ADAMTS9: variants seen among roughly 807,000 people sequenced by gnomAD.
ADAMTS9 encodes A disintegrin and metalloproteinase with thrombospondin motifs 9.
In ADAMTS9, 107 loss-of-function variants were observed where a neutral mutation model predicts 257.1. That is an observed-to-expected ratio of 0.42 (90% CI 0.36 to 0.49). The LOEUF (loss-of-function observed/expected upper bound fraction) is 0.49, where lower values mean the gene tolerates loss of function less well. Among genes scored for constraint, ADAMTS9 ranks in the 20% least tolerant of loss-of-function variants. ADAMTS9 has a pLI of 0.03. For synonymous variants in ADAMTS9, 982 were observed against 880.9 expected, an observed-to-expected ratio of 1.11 and a Z score of -2.03; for missense variants, 2,353 against 2,469.1, an observed-to-expected ratio of 0.95 and a Z score of 1.00.
intron 30 of ADAMTS9, among the ~76,000 whole-genome samples, chr3:64,552,755 C>T (rs1320166790): frequency 6.6e-6 from 1 of 152,112 alleles, no homozygotes; most frequent in Non-Finnish European, 1.5e-5. Flanking sequence ...ATGAGTCTCA[C>T]TACGTTGCCC....
chr3:64,564,290 C>A (rs2106661016), intron 29 of ADAMTS9, among the ~76,000 whole-genome samples: 1 of 152,284 alleles, frequency 6.6e-6, no homozygotes, highest in Non-Finnish European at 1.5e-5. Flanking sequence ...AACTCACCAA[C>A]TTAAAAGGGG....
chr3:64,547,795 T>A (rs1337357323), intron 31 of ADAMTS9, among the ~76,000 whole-genome samples: 1 of 152,114 alleles, frequency 6.6e-6, no homozygotes, highest in African/African-American at 2.4e-5. Context: ...ACTCTACCAA[T>A]ACAGAAATGC....
chr3:64,622,244 G>A lies in ADAMTS9; in HGVS notation c.2640C>T (p.Tyr880=), dbSNP rs1213025345. 1.9e-6 allele frequency: 3 copies of A among 1,613,826 alleles called. No homozygotes were observed. The highest frequency in any genetic ancestry group is 2.7e-5 in the African/African-American group (2 of 74,876). ...IPIEDKPQQF[Y]WNSHGPWQAC... ...CTTGCCATGGCCCATGACTGTTCCA[G>A]TAAAACTGCTGAGGTTTATCTTCAA... The change falls in exon 18 of 40, where the codon TAC becomes TAT. Residue 880 remains tyrosine (Y), a synonymous_variant. Coordinates refer to ENST00000498707, the MANE Select transcript of ADAMTS9 (RefSeq NM_182920.2).
intron 39 of ADAMTS9, among the ~76,000 whole-genome samples, chr3:64,517,957 C>A (rs1235514869): frequency 1.3e-5 from 2 of 152,140 alleles, no homozygotes; most frequent in Non-Finnish European, 2.9e-5. Flanking sequence ...GGTACATGAT[C>A]TCAGATCCTT....
intron 16 of ADAMTS9, among the ~76,000 whole-genome samples, chr3:64,626,574 A>T (rs1417247691): frequency 1.3e-5 from 2 of 152,152 alleles, no homozygotes; most frequent in Non-Finnish European, 2.9e-5. Flanking sequence ...GGGTTGAAAA[A>T]CTACCTATTG....
At position 64,613,344 on chromosome 3, in the gene ADAMTS9, C is replaced by T; in HGVS notation, c.3354+1G>A. The stretch of plus-strand genomic sequence containing the variant: ...GTTAAGAATCTTATCGTTCAAAATA[C>T]CTGTCCCCAGGGACCCGCCTGCCAG... On this transcript the variant is annotated splice_donor_variant, in intron 22 of 39. Transcript: ENST00000498707. LOFTEE classifies it high-confidence loss of function. 6.2e-7 allele frequency: 1 copy of T among 1,612,978 alleles called. No homozygotes were observed. Among genetic ancestry groups the T allele is most frequent in the Non-Finnish European group, 8.5e-7 (1 of 1,179,480 alleles).
chr3:64,682,120 T>C (rs1179417026), intron 2 of ADAMTS9, among the ~76,000 whole-genome samples: 1 of 152,166 alleles, frequency 6.6e-6, no homozygotes, highest in Admixed American at 6.5e-5. Context: ...CCTGCAAGGC[T>C]TTGAAGCCAG....
chr3:64,635,125 G>A (rs11719363), intron 12 of ADAMTS9, among the ~76,000 whole-genome samples: 1 of 152,040 alleles, frequency 6.6e-6, no homozygotes, highest in Non-Finnish European at 1.5e-5. Context: ...CAGTTGGCTT[G>A]AGCACCCACT....
In ADAMTS9 at chr3:64,655,481, A is replaced by T. The variant is rs1232410450; in HGVS notation, c.1169+95T>A. ...ATGTCAACAGTGCCTAAGCTGAGAA[A>T]CCCTCCACTAGCAGCTGACTATTAG... On this transcript the variant is annotated intron_variant, in intron 6 of 39. Transcript: ENST00000498707. 5.8e-6 allele frequency: 6 copies of T among 1,036,140 alleles called. No individual in the cohort carries two copies. The East Asian group carries it at 1.4e-4, about 25-fold the overall frequency. The allele number at this position is 1,036,140 out of a possible 1,614,324, so 64.2% of individuals were successfully genotyped here.
intron 28 of ADAMTS9, among the ~76,000 whole-genome samples, chr3:64,590,407 T>C (rs111756485): frequency 4.5e-4 from 68 of 152,340 alleles, no homozygotes; most frequent in Non-Finnish European, 8.8e-4. Context: ...TACAGTCTGC[T>C]GATAAACACT....
intron 30 of ADAMTS9, among the ~76,000 whole-genome samples, chr3:64,555,260 G>A (rs964661186): frequency 1.3e-5 from 2 of 152,162 alleles, no homozygotes; most frequent in Non-Finnish European, 2.9e-5. Context: ...TCATTTTAAA[G>A]TCAGGTATAC....
Position 64,526,254 on chromosome 3 carries a change from A to C in ADAMTS9, c.5719-3994T>G, listed in dbSNP as rs148672237. Among the ~76,000 whole-genome samples the C allele has an allele frequency of 6.3e-3, 956 of 152,006 alleles. 4 individuals carry two copies. Among genetic ancestry groups the C allele is most frequent in the African/African-American group, 0.022 (897 of 41,502 alleles). The stretch of plus-strand genomic sequence containing the variant: ...ACTTACCGTGATTTGATTATTACAC[A>C]TTGTATACACGAATCAAAATATCAC... On this transcript the variant is annotated intron_variant, in intron 38 of 39. Transcript: ENST00000498707.
At chr3:64,563,813 C>T (rs1256470991) in intron 29 of ADAMTS9, among the ~76,000 whole-genome samples, 2 of 152,226 alleles carry the variant, frequency 1.3e-5, no homozygotes, top group Non-Finnish European at 2.9e-5. Flanking sequence ...TACAAGCCTG[C>T]CTTTCTGAAT....
chr3:64,648,866 C>A (rs1700861545), intron 10 of ADAMTS9, among the ~76,000 whole-genome samples: 2 of 152,112 alleles, frequency 1.3e-5, no homozygotes. Context: ...TTTTTCCTAT[C>A]ATGAATAACA....
At chr3:64,565,419 A>G (rs1436343492) in intron 29 of ADAMTS9, 2 of 152,366 alleles carry the variant, frequency 1.3e-5, no homozygotes, top group East Asian at 3.9e-4. Flanking sequence ...AAGAAAGACA[A>G]CAAGGGCTGT....
chr3:64,591,742 T>C (rs1295925143), intron 28 of ADAMTS9, among the ~76,000 whole-genome samples: 1 of 152,176 alleles, frequency 6.6e-6, no homozygotes. Flanking sequence ...ATTTTGACCT[T>C]GGAGAAGGCT....
At chr3:64,590,332 T>C (rs1183283778) in intron 28 of ADAMTS9, among the ~76,000 whole-genome samples, 2 of 152,230 alleles carry the variant, frequency 1.3e-5, no homozygotes, top group Admixed American at 6.5e-5. Flanking sequence ...AAAATTAAAA[T>C]GTATCTTTTT....
chr3:64,516,091 G>T lies in ADAMTS9; in HGVS notation c.*1036C>A, dbSNP rs776036688. 1.3e-5 allele frequency: 2 copies of T among 152,188 alleles called. No homozygotes were observed. Among genetic ancestry groups the T allele is most frequent in the Non-Finnish European group, 2.9e-5 (2 of 68,034 alleles). The allele number at this position is 152,188 out of a possible 1,614,324, so 9.4% of individuals were successfully genotyped here. A position where few individuals can be genotyped will look rare whatever the true frequency, so the allele number is the denominator to read the frequency against. On this transcript the variant is annotated 3_prime_UTR_variant, in exon 40 of 40. Coordinates refer to ENST00000498707, the MANE Select transcript of ADAMTS9 (RefSeq NM_182920.2). ...AAGAGAAGTCACATCACCAGCCGAT[G>T]TTTTCATGCAAAAGGCAATCGTGAT...
chr3:64,652,305 C>A (rs892791434), intron 8 of ADAMTS9, among the ~76,000 whole-genome samples: 2 of 152,124 alleles, frequency 1.3e-5, no homozygotes, highest in Admixed American at 1.3e-4. Context: ...AAGTTTATGC[C>A]TCTTAATACT....
Sources: gnomAD v4.1 joint callset for allele counts (sites outside exome capture counted in the v4.1 genomes callset) on GRCh38, gnomAD v4.1.1 for gene constraint, MANE v1.5 for transcripts, NCBI Gene and HGNC (gene_info 2026-07-23, HGNC 2026-07-21) for gene names.